Variants in ANTXR1 observed in about 807,000 individuals in gnomAD.
ANTXR1 encodes anthrax toxin receptor 1.
ANTXR1 carries 19 observed loss-of-function variants against 78.1 expected under a neutral mutation model. The observed-to-expected ratio is 0.24, with a 90% confidence interval of 0.17 to 0.36. The LOEUF (loss-of-function observed/expected upper bound fraction) is 0.36. Among genes scored for constraint, ANTXR1 ranks in the 10% least tolerant of loss-of-function variants. The pLI is 1.00. For synonymous variants in ANTXR1, 273 were observed against 260.5 expected, an observed-to-expected ratio of 1.05 and a Z score of -0.46; for missense variants, 518 against 718.6, an observed-to-expected ratio of 0.72 and a Z score of 3.19.
intron 9 of ANTXR1, 74 bp downstream of exon 9, chr2:69,090,993 ATTG>A: frequency 6.7e-7 from 1 of 1,484,774 alleles, no homozygotes; most frequent in Non-Finnish European, 9.3e-7. Flanking sequence ...TATGTACTTC[ATTG>A]TTGGTGGGGT....
intron 8 of ANTXR1, among the ~76,000 whole-genome samples, chr2:69,085,577 CATTTATTT>C (rs1283916604): frequency 2.6e-5 from 4 of 152,066 alleles, no homozygotes; most frequent in African/African-American, 9.7e-5. Flanking sequence ...GTCATTTATT[CATTTATTT>C]ATCCAATATT....
intron 17 of ANTXR1, among the ~76,000 whole-genome samples, chr2:69,209,436 T>C (rs1674986359): frequency 6.6e-6 from 1 of 152,262 alleles, no homozygotes; most frequent in Admixed American, 6.5e-5. Flanking sequence ...ACAGAGGAAC[T>C]AGCATTTATT....
intron 17 of ANTXR1, among the ~76,000 whole-genome samples, chr2:69,208,041 T>C (rs533456915): frequency 6.6e-6 from 1 of 152,302 alleles, no homozygotes; most frequent in African/African-American, 2.4e-5. Context: ...AGGGTAGGTA[T>C]ATGTAAAATA....
intron 3 of ANTXR1, among the ~76,000 whole-genome samples, chr2:69,051,716 T>C (rs1669939220): frequency 6.6e-6 from 1 of 152,106 alleles, no homozygotes; most frequent in Admixed American, 6.5e-5. Flanking sequence ...TCTATGAAGA[T>C]AGACATTTTG....
intron 10 of ANTXR1, among the ~76,000 whole-genome samples, chr2:69,106,965 A>G (rs1399689806): frequency 1.3e-5 from 2 of 152,230 alleles, no homozygotes; most frequent in Non-Finnish European, 2.9e-5. Context: ...ATACTCATCA[A>G]AAGCAGATTT....
chr2:69,233,713 G>C (rs1437192456), intron 17 of ANTXR1, among the ~76,000 whole-genome samples: 2 of 151,814 alleles, frequency 1.3e-5, no homozygotes, highest in African/African-American at 2.4e-5. Flanking sequence ...ATGAAATACT[G>C]AAGGTATTCC....
intron 16 of ANTXR1, among the ~76,000 whole-genome samples, chr2:69,183,261 CTCTT>C (rs66498121): frequency 0.076 from 11,540 of 152,168 alleles, 1,431 homozygotes; most frequent in African/African-American, 0.26. Flanking sequence ...CTAGGACTCA[CTCTT>C]TCTGGTTGTA....
At chr2:69,045,039 AT>A (rs1376704501) in intron 3 of ANTXR1, among the ~76,000 whole-genome samples, 1 of 152,220 alleles carries the variant, frequency 6.6e-6, no homozygotes, top group East Asian at 1.9e-4. Flanking sequence ...TTTATAAATG[AT>A]GAAATTACAT....
intron 14 of ANTXR1, among the ~76,000 whole-genome samples, chr2:69,175,135 G>A (rs7594952): frequency 0.06 from 9,189 of 152,266 alleles, 920 homozygotes; most frequent in African/African-American, 0.21. Context: ...TCTCTGACCC[G>A]TGTCACTCAC....
At chr2:69,160,979 G>A (rs529503060) in intron 13 of ANTXR1, among the ~76,000 whole-genome samples, 3 of 152,192 alleles carry the variant, frequency 2.0e-5, no homozygotes, top group African/African-American at 4.8e-5. Context: ...CCTGGAGGCT[G>A]TATCAATATC....
chr2:69,048,478 T>C (rs1431805060), intron 3 of ANTXR1, among the ~76,000 whole-genome samples: 2 of 152,212 alleles, frequency 1.3e-5, no homozygotes, highest in Admixed American at 1.3e-4. Context: ...CTACCTTTCT[T>C]TACAGTACTT....
At chr2:69,170,622 A>G (rs1673956685) in intron 14 of ANTXR1, among the ~76,000 whole-genome samples, 1 of 152,192 alleles carries the variant, frequency 6.6e-6, no homozygotes, top group Admixed American at 6.5e-5. Flanking sequence ...AACAAACCCT[A>G]AGATTCTCTT....
chr2:69,106,963 C>G (rs953256047), intron 10 of ANTXR1, among the ~76,000 whole-genome samples: 3 of 152,108 alleles, frequency 2.0e-5, no homozygotes, highest in African/African-American at 7.2e-5. Context: ...GAATACTCAT[C>G]AAAAGCAGAT....
intron 1 of ANTXR1, among the ~76,000 whole-genome samples, chr2:69,033,413 T>C (rs1671587014): frequency 6.6e-6 from 1 of 152,178 alleles, no homozygotes. Context: ...GCCCTCAGAT[T>C]ATTGTTCAGT....
At chr2:69,163,107 A>G (rs1468714587) in intron 13 of ANTXR1, among the ~76,000 whole-genome samples, 2 of 152,070 alleles carry the variant, frequency 1.3e-5, no homozygotes, top group Non-Finnish European at 2.9e-5. Flanking sequence ...TTTTTAAATA[A>G]ACAGGTGAAG....
At chr2:69,239,445 G>A (rs537821228) in intron 17 of ANTXR1, among the ~76,000 whole-genome samples, 44 of 152,234 alleles carry the variant, frequency 2.9e-4, no homozygotes, top group Admixed American at 2.2e-3. Flanking sequence ...GGTGGCACAC[G>A]CCTGTAATTC....
chr2:69,074,563 A>T (rs941002988), intron 6 of ANTXR1, among the ~76,000 whole-genome samples: 1 of 152,230 alleles, frequency 6.6e-6, no homozygotes, highest in African/African-American at 2.4e-5. Context: ...TGACAATTCT[A>T]TATAAAGTCC....
chr2:69,034,682 A>G (rs984127422), intron 1 of ANTXR1, among the ~76,000 whole-genome samples: 2 of 152,188 alleles, frequency 1.3e-5, no homozygotes, highest in East Asian at 3.9e-4. Context: ...AAAAAAATCT[A>G]CAACAGAGTC....
intron 17 of ANTXR1, among the ~76,000 whole-genome samples, chr2:69,221,015 G>C (rs1675304663): frequency 6.6e-6 from 1 of 152,242 alleles, no homozygotes; most frequent in Admixed American, 6.5e-5. Context: ...GAGATGGATG[G>C]AATGCCACAG....
Sources: allele counts gnomAD v4.1 joint callset (sites outside exome capture counted in the v4.1 genomes callset), GRCh38; gene constraint gnomAD v4.1.1; transcripts MANE v1.5; gene names NCBI Gene and HGNC (gene_info 2026-07-23, HGNC 2026-07-21).